LPA: variants seen among roughly 807,000 people sequenced by gnomAD.
LPA encodes the protein lipoprotein(a).
A neutral mutation model predicts 197.9 loss-of-function variants in LPA; 199 were observed. The ratio of observed to expected loss-of-function variants is 1.01; its 90% CI spans 0.90 to 1.13. LPA has a LOEUF of 1.13. Ranked by LOEUF, LPA falls within the 50% of genes most tolerant of loss-of-function variation. The probability of loss-of-function intolerance (pLI) is 0.00; values close to 1 mark genes in which losing one functional copy is unlikely to be tolerated. For synonymous variants in LPA, 715 were observed against 639.5 expected, an observed-to-expected ratio of 1.12 and a Z score of -1.78; for missense variants, 1,853 against 1,785.8, an observed-to-expected ratio of 1.04 and a Z score of -0.68.
At chr6:160,648,809 C>T (rs1019546017) in intron 2 of LPA, among the ~76,000 whole-genome samples, 1 of 152,064 alleles carries the variant, frequency 6.6e-6, no homozygotes, top group African/African-American at 2.4e-5. Flanking sequence ...ATTCTATATT[C>T]ATGTTTTCTT....
chr6:160,607,674 G>A (rs1033417250), intron 16 of LPA, among the ~76,000 whole-genome samples: 7 of 150,156 alleles, frequency 4.7e-5, no homozygotes, highest in Admixed American at 2.0e-4. Context: ...AATGTATTAC[G>A]GGCCATGGGG....
intron 35 of LPA, among the ~76,000 whole-genome samples, 165 bp from the exon 36 acceptor site, chr6:160,540,348 A>C (rs544616997): frequency 1.3e-5 from 2 of 152,308 alleles, no homozygotes; most frequent in East Asian, 3.9e-4. Flanking sequence ...CTGACAGTTA[A>C]GGTCTGTTCT....
intron 37 of LPA, among the ~76,000 whole-genome samples, chr6:160,535,246 G>A (rs2114993439): frequency 6.7e-6 from 1 of 149,132 alleles, no homozygotes; most frequent in East Asian, 2.0e-4. Flanking sequence ...GATGATGGTG[G>A]CAGTGATAAT....
intron 28 of LPA, among the ~76,000 whole-genome samples, chr6:160,568,971 T>G (rs544735739): frequency 6.6e-6 from 1 of 152,042 alleles, no homozygotes; most frequent in Admixed American, 6.5e-5. Flanking sequence ...CACTGCTTAA[T>G]GAAATAAAAG....
chr6:160,583,757 T>C (rs561478213), intron 26 of LPA, among the ~76,000 whole-genome samples: 1 of 151,092 alleles, frequency 6.6e-6, no homozygotes, highest in Non-Finnish European at 1.5e-5. Context: ...ATCTCGGTTT[T>C]ATTAGTAAAC....
rs765144948 is a variant in LPA at position 160,594,055 on chromosome 6, C to A, written c.3532G>T (p.Gly1178Cys). 6.2e-7 allele frequency: 1 copy of A among 1,613,970 alleles called. No individual in the cohort carries two copies. The highest frequency in any genetic ancestry group is 1.7e-5 in the Admixed American group (1 of 60,016). The change falls in exon 22 of 39, where the codon GGC (glycine) becomes TGC (cysteine). Residue 1178 changes from glycine (G) to cysteine (C), a missense_variant. Gly to Cys is a radical substitution (Grantham distance 159). This residue lies in a region of LPA where 1,737 missense variants were observed against 1,504.4 expected (regional missense o/e 1.15). Coordinates refer to ENST00000316300, the MANE Select transcript of LPA (RefSeq NM_005577.4). Reference protein sequence around the residue: ...CYHGDGQSYRGSFSTTVTGRT... With the variant: ...CYHGDGQSYRCSFSTTVTGRT... ...CCTGTGACAGTGGTAGAGAATGAGC[C>A]TCGATAACTCTGTCCATCACCATGG...
chr6:160,599,775 C>A (rs1310072271), intron 19 of LPA, 116 bp from the exon 20 acceptor site: 3 of 1,139,816 alleles, frequency 2.6e-6, no homozygotes, highest in Non-Finnish European at 1.3e-6. Flanking sequence ...ATTCTCTATT[C>A]TTTATTAATA....
At chr6:160,588,781 C>T (rs945459708) in intron 24 of LPA, among the ~76,000 whole-genome samples, 1 of 152,160 alleles carries the variant, frequency 6.6e-6, no homozygotes, top group African/African-American at 2.4e-5. Context: ...GCTTGTCCTT[C>T]AATCCAACAC....
chr6:160,544,650 C>A (rs970386141), intron 33 of LPA, among the ~76,000 whole-genome samples: 3 of 152,180 alleles, frequency 2.0e-5, no homozygotes, highest in Admixed American at 6.5e-5. Context: ...CTTCACATGG[C>A]AGACCCAACC....
chr6:160,564,341 A>G (rs1778413200), intron 28 of LPA, among the ~76,000 whole-genome samples: 1 of 152,232 alleles, frequency 6.6e-6, no homozygotes, highest in East Asian at 1.9e-4. Context: ...TTGGCTGGAT[A>G]TGAAATTCTA....
intron 2 of LPA, among the ~76,000 whole-genome samples, chr6:160,647,216 GAA>G (rs1779906209): frequency 1.3e-5 from 2 of 152,168 alleles, no homozygotes; most frequent in South Asian, 2.1e-4. Context: ...AAGATGGCAG[GAA>G]GACTAAGAGA....
intron 18 of LPA, 104 bp from the exon 19 acceptor site, chr6:160,601,202 C>T (rs1048974914): frequency 1.0e-6 from 1 of 967,326 alleles, no homozygotes; most frequent in Non-Finnish European, 1.7e-6. Context: ...TGAAATATTC[C>T]CAAAAGAGAT....
intron 7 of LPA, among the ~76,000 whole-genome samples, chr6:160,634,677 C>G (rs1223123904): frequency 4.0e-5 from 6 of 151,690 alleles, no homozygotes; most frequent in Non-Finnish European, 5.9e-5. Context: ...GGAATTAATG[C>G]AGCCCTGTTA....
intron 14 of LPA, among the ~76,000 whole-genome samples, chr6:160,615,361 T>TGTGG (rs1779576428): frequency 7.6e-6 from 1 of 132,008 alleles, no homozygotes; most frequent in African/African-American, 2.9e-5. Flanking sequence ...TTTGTGTGTG[T>TGTGG]GTGTGTGTGT....
At chr6:160,568,421 T>G (rs1778502694) in intron 28 of LPA, among the ~76,000 whole-genome samples, 1 of 152,196 alleles carries the variant, frequency 6.6e-6, no homozygotes, top group Admixed American at 6.5e-5. Flanking sequence ...AGAAAAGGCC[T>G]TTGACAAAAT....
At chr6:160,647,017 A>T (rs944636301) in intron 2 of LPA, among the ~76,000 whole-genome samples, 3 of 152,162 alleles carry the variant, frequency 2.0e-5, no homozygotes, top group Non-Finnish European at 4.4e-5. Flanking sequence ...ATGTCGGTCA[A>T]GTAGGTTTGT....
chr6:160,532,575 A>T lies in LPA; in HGVS notation c.5917T>A (p.Tyr1973Asn). 2 of 1,613,196 alleles carry T rather than the reference A, an allele frequency of 1.2e-6. No individual in the cohort carries two copies. Among genetic ancestry groups the T allele is most frequent in the Non-Finnish European group, 1.7e-6 (2 of 1,179,406 alleles). The change falls in exon 38 of 39, where the codon TAT becomes AAT. Residue 1973 changes from tyrosine (Y) to asparagine (N), a missense_variant. This residue lies in a region of LPA where 1,737 missense variants were observed against 1,504.4 expected (regional missense o/e 1.15). Coordinates refer to ENST00000316300, the MANE Select transcript of LPA (RefSeq NM_005577.4). ...IENEVCNHYK[Y>N]ICAEHLARGT... ...CTGGCCAAATGCTCAGCACAAATAT[A>T]CTTATAGTGATTGCACACTTCATTC...
chr6:160,577,494 T>C (rs1778706951), intron 27 of LPA, among the ~76,000 whole-genome samples, 199 bp from the exon 28 acceptor site: 1 of 152,226 alleles, frequency 6.6e-6, no homozygotes, highest in African/African-American at 2.4e-5. Context: ...ACATTATTTT[T>C]AAATCTAAAG....
At position 160,545,505 on chromosome 6, in the gene LPA, TTG is replaced by T. The variant is rs748829627; in HGVS notation, c.5331_5332del (p.Asn1778TrpfsTer14). ...ATTCATTGTGTAGCACCAGGGACCA[TTG>T]ATGTCACCATCAGGGTTACGGCAGT... On this transcript the variant is annotated frameshift_variant, in exon 33 of 39. Coordinates refer to ENST00000316300, the MANE Select transcript of LPA (RefSeq NM_005577.4). LOFTEE classifies it high-confidence loss of function. The T allele has an allele frequency of 1.4e-4, 228 of 1,613,314 alleles. 1 individual carries two copies. The African/African-American group carries it at 2.6e-3, about 18-fold the overall frequency.
Sources: gnomAD v4.1 joint callset for allele counts (sites outside exome capture counted in the v4.1 genomes callset) on GRCh38, gnomAD v4.1.1 for gene constraint, gnomAD v4.1.1 regional missense constraint, MANE v1.5 for transcripts, NCBI Gene and HGNC (gene_info 2026-07-23, HGNC 2026-07-21) for gene names.